Variants in CDH12 observed in about 807,000 individuals in gnomAD.
CDH12 encodes cadherin-12.
CDH12 carries 41 observed loss-of-function variants against 74.1 expected under a neutral mutation model. The observed-to-expected ratio is 0.55, with a 90% confidence interval of 0.43 to 0.72. The LOEUF (loss-of-function observed/expected upper bound fraction) is 0.72. Ranked by LOEUF, CDH12 falls within the 30% of genes least tolerant of loss-of-function variation. The pLI is 0.00. For synonymous variants in CDH12, 399 were observed against 355.0 expected, an observed-to-expected ratio of 1.12 and a Z score of -1.39; for missense variants, 945 against 977.2, an observed-to-expected ratio of 0.97 and a Z score of 0.44.
chr5:22,222,300 A>G (rs1297360708), intron 3 of CDH12, among the ~76,000 whole-genome samples: 1 of 152,002 alleles, frequency 6.6e-6, no homozygotes, highest in African/African-American at 2.4e-5. Flanking sequence ...AACTATTTTC[A>G]TTTAGTAAAG....
chr5:22,425,594 C>T (rs188534428), intron 2 of CDH12, among the ~76,000 whole-genome samples: 41 of 152,100 alleles, frequency 2.7e-4, no homozygotes, highest in Admixed American at 1.9e-3. Flanking sequence ...GAAATATATA[C>T]ACTTTAATAC....
intron 3 of CDH12, among the ~76,000 whole-genome samples, chr5:22,276,901 T>C (rs1274358206): frequency 6.6e-6 from 1 of 152,156 alleles, no homozygotes; most frequent in Non-Finnish European, 1.5e-5. Flanking sequence ...AATAAACCTA[T>C]GGAGTAGGTT....
chr5:22,739,350 ACACT>A (rs1734228705), intron 1 of CDH12, among the ~76,000 whole-genome samples: 1 of 151,760 alleles, frequency 6.6e-6, no homozygotes, highest in Admixed American at 6.6e-5. Flanking sequence ...AAAAACTCTG[ACACT>A]CACAATACTA....
At chr5:22,666,207 C>T (rs2126905478) in intron 1 of CDH12, among the ~76,000 whole-genome samples, 1 of 151,826 alleles carries the variant, frequency 6.6e-6, no homozygotes, top group Admixed American at 6.6e-5. Context: ...TAAGTCACCA[C>T]CTATGTCTAA....
chr5:22,043,879 C>A (rs571048885), intron 5 of CDH12, among the ~76,000 whole-genome samples: 1 of 151,920 alleles, frequency 6.6e-6, no homozygotes, highest in Non-Finnish European at 1.5e-5. Flanking sequence ...TAAATTTAGC[C>A]ATGAAGGAAA....
chr5:22,641,062 A>C lies in CDH12; in HGVS notation c.-522-135698T>G, dbSNP rs945468634. The stretch of plus-strand genomic sequence containing the variant: ...CTAGAGAGATTGACCAATACGATAG[A>C]TAGACACATACGTACATACATAGAT... On this transcript the variant is annotated intron_variant, in intron 1 of 14. Transcript: ENST00000382254. 3.3e-5 allele frequency among the ~76,000 whole-genome samples: 5 copies of C among 152,196 alleles called. No individual in the cohort carries two copies. The South Asian group carries it at 8.3e-4, about 25-fold the overall frequency.
Position 21,840,538 on chromosome 5 carries a change from G to A in CDH12, c.814+1623C>T, listed in dbSNP as rs371486568. Among the ~76,000 whole-genome samples the A allele has an allele frequency of 7.3e-5, 11 of 151,648 alleles. No individual in the cohort carries two copies. The East Asian group carries it at 1.7e-3, about 24-fold the overall frequency. The stretch of plus-strand genomic sequence containing the variant: ...TTCATATGGAACCAAAAAAGAGCCC[G>A]CATCGCCAAGCCAATCCTAAGCCAA... On this transcript the variant is annotated intron_variant, in intron 8 of 14. Coordinates refer to ENST00000382254, the MANE Select transcript of CDH12 (RefSeq NM_004061.5).
intron 1 of CDH12, among the ~76,000 whole-genome samples, chr5:22,767,037 G>A (rs1324084921): frequency 6.6e-6 from 1 of 151,924 alleles, no homozygotes; most frequent in African/African-American, 2.4e-5. Flanking sequence ...AGAAATTTCA[G>A]AACACACTTA....
At chr5:22,179,645 T>C (rs1372586279) in intron 4 of CDH12, among the ~76,000 whole-genome samples, 1 of 152,194 alleles carries the variant, frequency 6.6e-6, no homozygotes, top group South Asian at 2.1e-4. Context: ...AATATGTTTT[T>C]AAAGTTTCTC....
At chr5:22,635,062 A>T (rs1738770069) in intron 1 of CDH12, among the ~76,000 whole-genome samples, 2 of 152,208 alleles carry the variant, frequency 1.3e-5, no homozygotes, top group Non-Finnish European at 1.5e-5. Flanking sequence ...AAGGAGAAAC[A>T]AATTTAGAGG....
intron 4 of CDH12, among the ~76,000 whole-genome samples, chr5:22,198,251 T>C (rs963822603): frequency 6.6e-6 from 1 of 151,976 alleles, no homozygotes; most frequent in Non-Finnish European, 1.5e-5. Flanking sequence ...AAAAACGTAC[T>C]GATAGTGTTG....
At chr5:21,800,575 C>T (rs985331068) in intron 10 of CDH12, among the ~76,000 whole-genome samples, 5 of 152,146 alleles carry the variant, frequency 3.3e-5, no homozygotes, top group African/African-American at 7.2e-5. Context: ...AAAAGAAAGC[C>T]GGTCTTCACC....
intron 1 of CDH12, among the ~76,000 whole-genome samples, chr5:22,544,681 G>A (rs2126724211): frequency 6.6e-6 from 1 of 152,190 alleles, no homozygotes; most frequent in East Asian, 1.9e-4. Context: ...GCCAGGTGCA[G>A]TGGCACACGC....
chr5:22,176,345 A>AATAT (rs879339345), intron 4 of CDH12, among the ~76,000 whole-genome samples: 12 of 152,052 alleles, frequency 7.9e-5, no homozygotes, highest in Admixed American at 6.6e-4. Context: ...TTAACTGATC[A>AATAT]ATATATAGTA....
At chr5:21,891,475 A>T (rs1306802526) in intron 6 of CDH12, among the ~76,000 whole-genome samples, 1 of 152,028 alleles carries the variant, frequency 6.6e-6, no homozygotes, top group Non-Finnish European at 1.5e-5. Context: ...GAAATGAATT[A>T]CACACATCAT....
intron 4 of CDH12, among the ~76,000 whole-genome samples, chr5:22,112,935 T>C (rs781196672): frequency 2.6e-5 from 4 of 152,110 alleles, no homozygotes; most frequent in Non-Finnish European, 4.4e-5. Context: ...AAGAGATGAG[T>C]ACACCCCATG....
chr5:22,763,521 T>C (rs934525219), intron 1 of CDH12, among the ~76,000 whole-genome samples: 2 of 151,966 alleles, frequency 1.3e-5, no homozygotes, highest in African/African-American at 4.8e-5. Flanking sequence ...ATGAAAAAAG[T>C]AGCAATGGTC....
intron 4 of CDH12, among the ~76,000 whole-genome samples, chr5:22,197,758 T>G (rs575215343): frequency 6.6e-6 from 1 of 152,206 alleles, no homozygotes; most frequent in African/African-American, 2.4e-5. Context: ...TCTGGCTCAA[T>G]GTCTCCCAAG....
chr5:22,180,498 G>A (rs114653519), intron 4 of CDH12, among the ~76,000 whole-genome samples: 8,503 of 71,326 alleles, frequency 0.12, 254 homozygotes, highest in Non-Finnish European at 0.14. Flanking sequence ...ATTTTTTTTT[G>A]TTTATTTTTT....
Sources: allele counts gnomAD v4.1 joint callset (sites outside exome capture counted in the v4.1 genomes callset), GRCh38; gene constraint gnomAD v4.1.1; transcripts MANE v1.5; gene names NCBI Gene and HGNC (gene_info 2026-07-23, HGNC 2026-07-21).